Variants in PAK1 observed in about 807,000 individuals in gnomAD.
The protein encoded by PAK1 is serine/threonine-protein kinase PAK 1.
PAK1 carries 29 observed loss-of-function variants against 67.4 expected under a neutral mutation model. That is an observed-to-expected ratio of 0.43 (90% confidence interval 0.32 to 0.59). PAK1 has a LOEUF of 0.59. Among genes scored for constraint, PAK1 ranks in the 20% least tolerant of loss-of-function variants. The pLI, the probability that PAK1 is intolerant of heterozygous loss-of-function variation, is 0.07. For synonymous variants in PAK1, 223 were observed against 237.4 expected, an observed-to-expected ratio of 0.94 and a Z score of 0.56; for missense variants, 337 against 670.7, an observed-to-expected ratio of 0.50 and a Z score of 5.50.
intron 1 of PAK1, among the ~76,000 whole-genome samples, chr11:77,406,197 C>A (rs545372932): frequency 1.3e-5 from 2 of 152,144 alleles, no homozygotes; most frequent in Non-Finnish European, 2.9e-5. Context: ...ATTATTAATA[C>A]GTTGATAATG....
the PAK1 span, among the ~76,000 whole-genome samples, chr11:77,519,448 C>CT: frequency 6.6e-6 from 1 of 152,138 alleles, no homozygotes; most frequent in Non-Finnish European, 1.5e-5. Flanking sequence ...GGTTCCTTTT[C>CT]TTTTTTCTCC....
the PAK1 span, among the ~76,000 whole-genome samples, chr11:77,500,068 T>G: frequency 1.1e-3 from 173 of 152,294 alleles, 2 homozygotes; most frequent in Middle Eastern, 6.8e-3. Context: ...CTTGGAAAAT[T>G]TTGTTATAAT....
intron 1 of PAK1, among the ~76,000 whole-genome samples, chr11:77,471,134 A>G (rs1379930419): frequency 6.6e-6 from 1 of 152,190 alleles, no homozygotes; most frequent in Non-Finnish European, 1.5e-5. Flanking sequence ...GGATTAAAGC[A>G]ATGACCAAAC....
At chr11:77,442,493 G>T (rs1162629470) in intron 1 of PAK1, among the ~76,000 whole-genome samples, 2 of 152,168 alleles carry the variant, frequency 1.3e-5, no homozygotes, top group Admixed American at 1.3e-4. Flanking sequence ...CAACAGCCAG[G>T]AAGAAACTGA....
intron 9 of PAK1, 45 bp downstream of exon 9, chr11:77,349,194 A>C: frequency 6.9e-7 from 1 of 1,448,192 alleles, no homozygotes; most frequent in Non-Finnish European, 9.6e-7. Flanking sequence ...TCCCAAATAA[A>C]AAGAAACAGA....
At chr11:77,344,088 T>C in intron 9 of PAK1, 157 bp from the exon 10 acceptor site, 1 of 572,368 alleles carries the variant, frequency 1.7e-6, no homozygotes, top group Non-Finnish European at 3.1e-6. Context: ...ACCAGTGGTC[T>C]TCAAAGTGAG....
chr11:77,343,059 TA>T (rs1347438828), intron 10 of PAK1, among the ~76,000 whole-genome samples: 14 of 151,438 alleles, frequency 9.2e-5, no homozygotes, highest in African/African-American at 2.9e-4. Flanking sequence ...AAAATATGGA[TA>T]AAAAAACCCT....
At chr11:77,406,754 C>G (rs1953631687) in intron 1 of PAK1, among the ~76,000 whole-genome samples, 1 of 151,930 alleles carries the variant, frequency 6.6e-6, no homozygotes, top group Non-Finnish European at 1.5e-5. Flanking sequence ...ACACTCCAGG[C>G]TGGGCAACAG....
chr11:77,408,803 T>C (rs1014603914), intron 1 of PAK1, among the ~76,000 whole-genome samples: 2 of 151,816 alleles, frequency 1.3e-5, no homozygotes, highest in Non-Finnish European at 2.9e-5. Context: ...AAACAAGTAA[T>C]CCAATTTAAA....
chr11:77,457,972 A>G (rs1295780164), intron 1 of PAK1, among the ~76,000 whole-genome samples: 1 of 152,206 alleles, frequency 6.6e-6, no homozygotes, highest in African/African-American at 2.4e-5. Context: ...TTTATTAGGC[A>G]TCTCTGATGT....
intron 9 of PAK1, 101 bp downstream of exon 9, chr11:77,349,138 A>AC: frequency 4.7e-6 from 4 of 855,808 alleles, no homozygotes; most frequent in South Asian, 1.6e-5. Context: ...AAAAAAAAAA[A>AC]AAACCTAGAA....
chr11:77,461,911 C>T (rs1228025154), intron 1 of PAK1, among the ~76,000 whole-genome samples: 1 of 152,184 alleles, frequency 6.6e-6, no homozygotes, highest in African/African-American at 2.4e-5. Flanking sequence ...CACTAGAAGA[C>T]AAATAGGCCT....
At chr11:77,503,575 G>A in the PAK1 span, among the ~76,000 whole-genome samples, 1 of 152,240 alleles carries the variant, frequency 6.6e-6, no homozygotes, top group South Asian at 2.1e-4. Context: ...AAGTTATAAA[G>A]TATTAGGTCA....
chr11:77,388,688 T>C (rs1408447217), intron 2 of PAK1, among the ~76,000 whole-genome samples: 1 of 152,196 alleles, frequency 6.6e-6, no homozygotes, highest in Non-Finnish European at 1.5e-5. Flanking sequence ...AAACTGCACA[T>C]GCCTACTGCT....
chr11:77,460,373 A>G (rs1592558654), intron 1 of PAK1, among the ~76,000 whole-genome samples: 1 of 148,356 alleles, frequency 6.7e-6, no homozygotes, highest in Non-Finnish European at 1.5e-5. Flanking sequence ...AACATCATTA[A>G]TGGCCTTAGC....
At chr11:77,469,024 A>G (rs1957727448) in intron 1 of PAK1, among the ~76,000 whole-genome samples, 1 of 152,178 alleles carries the variant, frequency 6.6e-6, no homozygotes, top group Non-Finnish European at 1.5e-5. Context: ...AACGAATGTA[A>G]ATCTGTCTTC....
chr11:77,362,010 T>A (rs1378830389), intron 5 of PAK1, among the ~76,000 whole-genome samples: 1 of 150,906 alleles, frequency 6.6e-6, no homozygotes, highest in Non-Finnish European at 1.5e-5. Context: ...AACACAAATG[T>A]TACTAATTTA....
chr11:77,510,942 TG>T, the PAK1 span, among the ~76,000 whole-genome samples: 1 of 152,222 alleles, frequency 6.6e-6, no homozygotes, highest in African/African-American at 2.4e-5. Flanking sequence ...TTATCCTTTT[TG>T]TTTTACTGAA....
chr11:77,347,620 A>C (rs1944629793), intron 9 of PAK1, among the ~76,000 whole-genome samples: 2 of 152,286 alleles, frequency 1.3e-5, no homozygotes, highest in African/African-American at 4.8e-5. Flanking sequence ...ATTCGTGTCA[A>C]TATTACAAGG....
Sources: gnomAD v4.1 joint callset for allele counts (sites outside exome capture counted in the v4.1 genomes callset) on GRCh38, gnomAD v4.1.1 for gene constraint, MANE v1.5 for transcripts, NCBI Gene and HGNC (gene_info 2026-07-23, HGNC 2026-07-21) for gene names.